HERC4: variants seen among roughly 807,000 people sequenced by gnomAD.
The protein encoded by HERC4 is probable E3 ubiquitin-protein ligase HERC4.
A neutral mutation model predicts 124.3 loss-of-function variants in HERC4; 28 were observed. The ratio of observed to expected loss-of-function variants is 0.23; its 90% CI spans 0.17 to 0.31. The LOEUF is 0.31. Among genes scored for constraint, HERC4 ranks in the 10% least tolerant of loss-of-function variants. The pLI is 1.00. For missense variants in HERC4, 713 were observed against 1,229.3 expected, an observed-to-expected ratio of 0.58 and a Z score of 6.28; for synonymous variants, 407 against 421.5, an observed-to-expected ratio of 0.97 and a Z score of 0.42.
chr10:68,008,583 C>T (rs2037733398), intron 9 of HERC4, among the ~76,000 whole-genome samples: 1 of 152,064 alleles, frequency 6.6e-6, no homozygotes, highest in East Asian at 1.9e-4. Context: ...TGTGCTGAAT[C>T]CACTTCTGGG....
chr10:67,960,437 G>A (rs980757391), intron 16 of HERC4, among the ~76,000 whole-genome samples: 1 of 152,106 alleles, frequency 6.6e-6, no homozygotes, highest in Non-Finnish European at 1.5e-5. Context: ...CCAGGCTGGA[G>A]TGCAATGGTG....
chr10:67,925,775 G>C (rs2030850117), intron 23 of HERC4, among the ~76,000 whole-genome samples: 1 of 152,098 alleles, frequency 6.6e-6, no homozygotes, highest in Non-Finnish European at 1.5e-5. Context: ...GGGGAAACCA[G>C]TTGTCATTTC....
intron 8 of HERC4, among the ~76,000 whole-genome samples, chr10:68,024,867 G>C (rs1242951246): frequency 6.6e-6 from 1 of 152,126 alleles, no homozygotes; most frequent in East Asian, 1.9e-4. Context: ...AGAATCAACA[G>C]ATGAAGCTCA....
At chr10:67,983,466 A>G (rs2036058781) in intron 15 of HERC4, among the ~76,000 whole-genome samples, 1 of 152,076 alleles carries the variant, frequency 6.6e-6, no homozygotes, top group Admixed American at 6.5e-5. Context: ...TTTGGAAGCA[A>G]TCTAAGTGTC....
At chr10:68,066,119 C>G (rs924281194) in intron 3 of HERC4, among the ~76,000 whole-genome samples, 2 of 152,156 alleles carry the variant, frequency 1.3e-5, no homozygotes, top group Admixed American at 6.5e-5. Context: ...TTTGAGTACA[C>G]CTCCTCTATT....
intron 21 of HERC4, among the ~76,000 whole-genome samples, chr10:67,938,680 T>A (rs569233872): frequency 6.6e-6 from 1 of 152,240 alleles, no homozygotes; most frequent in South Asian, 2.1e-4. Flanking sequence ...GTGCAGTGGC[T>A]CATGCCTGTA....
chr10:67,971,656 A>C (rs2132508285), intron 15 of HERC4, among the ~76,000 whole-genome samples: 3 of 142,812 alleles, frequency 2.1e-5, no homozygotes, highest in Admixed American at 7.0e-5. Flanking sequence ...CCATCTAACC[A>C]CCCCCACCCC....
chr10:68,043,383 A>T (rs2039864126), intron 4 of HERC4, among the ~76,000 whole-genome samples: 1 of 152,194 alleles, frequency 6.6e-6, no homozygotes, highest in African/African-American at 2.4e-5. Context: ...AGAACAAAAG[A>T]GTTTAAAGAG....
In HERC4 at chr10:68,056,713, A is replaced by G. The variant is rs1295535817; in HGVS notation, c.227-12150T>C. 2.0e-5 allele frequency among the ~76,000 whole-genome samples: 3 copies of G among 152,184 alleles called. No homozygotes were observed. The East Asian group carries it at 5.8e-4, about 29-fold the overall frequency. ...GATCAGTTAAAGAGCTACTGGCCAC[A>G]GTTCTCATGTACACCAGTAATAGTC... On this transcript the variant is annotated intron_variant, in intron 3 of 24. Transcript: ENST00000373700.
intron 3 of HERC4, among the ~76,000 whole-genome samples, chr10:68,062,454 G>T (rs901120124): frequency 6.6e-5 from 10 of 151,872 alleles, no homozygotes; most frequent in African/African-American, 2.4e-4. Flanking sequence ...CTCCTTTCTT[G>T]CTTTAAAGGA....
intron 23 of HERC4, among the ~76,000 whole-genome samples, chr10:67,927,878 G>A (rs2031314458): frequency 1.3e-5 from 2 of 152,108 alleles, no homozygotes; most frequent in African/African-American, 4.8e-5. Flanking sequence ...CCCTCATGGT[G>A]CTTACATTGT....
In HERC4 at chr10:68,013,336, T is replaced by A. The variant is rs184432147; in HGVS notation, c.1069+690A>T. On this transcript the variant is annotated intron_variant, in intron 9 of 24. Coordinates refer to ENST00000373700, the MANE Select transcript of HERC4 (RefSeq NM_015601.4). ...TTGCTTTATTGCACTATTTGCTTCA[T>A]TGCAGTGGTCTGGAACTGAGCCCAC... is the stretch of plus-strand genomic sequence containing the variant. Among the ~76,000 whole-genome samples the A allele has an allele frequency of 8.5e-5, 13 of 152,348 alleles. No individual in the cohort carries two copies. The East Asian group carries it at 1.7e-3, about 20-fold the overall frequency.
intron 4 of HERC4, chr10:68,039,443 G>A (rs1426665462): frequency 1.3e-6 from 2 of 1,550,806 alleles, no homozygotes; most frequent in Non-Finnish European, 1.7e-6. Context: ...AGAGTCCGGA[G>A]CAAATTCTGA....
intron 15 of HERC4, among the ~76,000 whole-genome samples, chr10:67,980,202 T>C (rs2035845062): frequency 6.6e-6 from 1 of 152,086 alleles, no homozygotes; most frequent in Admixed American, 6.6e-5. Context: ...ACCTTCGCCT[T>C]CCAGATAGTC....
chr10:68,007,723 C>T (rs1209507528), intron 9 of HERC4: 1 of 150,252 alleles, frequency 6.7e-6, no homozygotes. Context: ...TTTTAAGAGA[C>T]AGAGTCTCAC....
At chr10:67,961,878 C>G (rs2034545089) in intron 16 of HERC4, among the ~76,000 whole-genome samples, 1 of 151,934 alleles carries the variant, frequency 6.6e-6, no homozygotes, top group Admixed American at 6.6e-5. Context: ...AAAAAATTCA[C>G]AGTACCAAGT....
chr10:67,982,035 C>T (rs976147786), intron 15 of HERC4, among the ~76,000 whole-genome samples: 2 of 152,026 alleles, frequency 1.3e-5, no homozygotes, highest in Admixed American at 1.3e-4. Flanking sequence ...ATGTCCATAC[C>T]ACCTATAGCA....
intron 21 of HERC4, among the ~76,000 whole-genome samples, chr10:67,936,838 G>A (rs557101351): frequency 1.3e-5 from 2 of 152,042 alleles, no homozygotes; most frequent in African/African-American, 4.8e-5. Context: ...ATGAAAACCT[G>A]CTATTTATAA....
chr10:67,960,852 C>A, intron 16 of HERC4: 1 of 276,200 alleles, frequency 3.6e-6, no homozygotes, highest in South Asian at 3.9e-5. Flanking sequence ...TTTTACTTTT[C>A]TAACAAGGAC....
Sources: allele counts gnomAD v4.1 joint callset (sites outside exome capture counted in the v4.1 genomes callset), GRCh38; gene constraint gnomAD v4.1.1; transcripts MANE v1.5; gene names NCBI Gene and HGNC (gene_info 2026-07-23, HGNC 2026-07-21).